Variants in CD99L2 observed in about 807,000 individuals in gnomAD.
CD99L2 encodes the protein CD99 molecule like 2, also known as CD99 antigen-like protein 2.
Under a neutral mutation model 27.3 loss-of-function variants are expected in CD99L2, and 24 were observed. The observed-to-expected ratio is 0.88, with a 90% CI of 0.64 to 1.24. The LOEUF (loss-of-function observed/expected upper bound fraction) is 1.24, where lower values mean the gene tolerates loss of function less well. CD99L2 is among the 50% of genes most tolerant of loss of function. The pLI, the probability that CD99L2 is intolerant of heterozygous loss-of-function variation, is 0.00. For synonymous variants in CD99L2, 97 were observed against 87.9 expected, an observed-to-expected ratio of 1.10 and a Z score of -0.58; for missense variants, 255 against 221.6, an observed-to-expected ratio of 1.15 and a Z score of -0.96.
At position 150,784,818 on chromosome X, in the gene CD99L2, A is replaced by G. The variant is rs782020307; in HGVS notation, c.497-7336T>C. On this transcript the variant is annotated intron_variant, in intron 7 of 10. Transcript: ENST00000370377. ...ATACACAGGAAGCCCAGTCTAGCAG[A>G]AGCAAAAAAGATAAACACCACCCGC... 2.7e-5 allele frequency among the ~76,000 whole-genome samples: 3 copies of G among 112,489 alleles called. No homozygotes were observed. The Admixed American group carries it at 2.8e-4, about 11-fold the overall frequency.
chrX:150,830,113 C>T (rs1194009297), intron 2 of CD99L2, among the ~76,000 whole-genome samples: 2 of 109,654 alleles, frequency 1.8e-5, no homozygotes, highest in African/African-American at 6.7e-5. Flanking sequence ...TGAGATTGCG[C>T]CACTACACTC....
At chrX:150,799,846 T>G (rs2045875999) in intron 4 of CD99L2, among the ~76,000 whole-genome samples, 1 of 111,739 alleles carries the variant, frequency 8.9e-6, no homozygotes, top group Non-Finnish European at 1.9e-5. Context: ...GAAACAGAGT[T>G]ACCATATGAT....
chrX:150,895,027 C>T (rs2047584084), intron 1 of CD99L2, among the ~76,000 whole-genome samples: 1 of 111,786 alleles, frequency 8.9e-6, no homozygotes. Context: ...GTGTTAAGTT[C>T]CTAAACCTCT....
At chrX:150,773,194 C>T (rs1397581206) in intron 9 of CD99L2, among the ~76,000 whole-genome samples, 5 of 112,291 alleles carry the variant, frequency 4.5e-5, no homozygotes, top group African/African-American at 1.6e-4. Context: ...AGTCGAGATA[C>T]CCTTGATGGG....
At chrX:150,837,456 G>A (rs1385918371) in intron 1 of CD99L2, among the ~76,000 whole-genome samples, 1 of 110,963 alleles carries the variant, frequency 9.0e-6, no homozygotes, top group Non-Finnish European at 1.9e-5. Context: ...CACTATGTTG[G>A]CCAGGCTGGT....
At position 150,868,046 on chromosome X, in the gene CD99L2, C is replaced by A. The variant is rs960247436; in HGVS notation, c.67+30476G>T. Among the ~76,000 whole-genome samples, 5 of 105,976 alleles carry A rather than the reference C, an allele frequency of 4.7e-5. No individual in the cohort carries two copies. The Admixed American group carries it at 5.1e-4, about 11-fold the overall frequency. 92.0% of individuals were successfully genotyped at this position (105,976 alleles called of 115,157 possible). On this transcript the variant is annotated intron_variant, in intron 1 of 10. Transcript: ENST00000370377. Reference sequence around the variant, plus strand: ...GCAGTCAGCAGAGATTGTGCCATTGCACTCCAGCCTAGGCGACAGAGTGAG... The same window carrying A: ...GCAGTCAGCAGAGATTGTGCCATTGAACTCCAGCCTAGGCGACAGAGTGAG...
chrX:150,886,726 C>T (rs782529700), intron 1 of CD99L2, among the ~76,000 whole-genome samples: 2 of 112,193 alleles, frequency 1.8e-5, no homozygotes, highest in East Asian at 5.6e-4. Flanking sequence ...GGGTGTACTA[C>T]CCGCATCTAG....
chrX:150,883,126 T>C (rs2047357915), intron 1 of CD99L2, among the ~76,000 whole-genome samples: 1 of 111,363 alleles, frequency 9.0e-6, no homozygotes, highest in Admixed American at 9.5e-5. Flanking sequence ...GAGGCGGAGG[T>C]TGCAGTGAAC....
Position 150,802,880 on chromosome X carries a change from C to CT in CD99L2, c.278-7395dup, listed in dbSNP as rs34693200. Among the ~76,000 whole-genome samples, 31 of 20,824 alleles carry CT rather than the reference C, an allele frequency of 1.5e-3. 3 individuals carry two copies. The highest frequency in any genetic ancestry group is 5.1e-3 in the East Asian group (3 of 586). 18.1% of individuals were successfully genotyped at this position (20,824 alleles called of 115,157 possible). On this transcript the variant is annotated intron_variant, in intron 4 of 10. Coordinates refer to ENST00000370377, the MANE Select transcript of CD99L2 (RefSeq NM_031462.4). ...ACAGGCGGGAGCCACCGTGCCCAGC[C>CT]TTTTTTTTTTTTTTTTTTTTTTTTT...
chrX:150,779,958 C>T (rs1361493441), intron 7 of CD99L2, among the ~76,000 whole-genome samples: 2 of 112,054 alleles, frequency 1.8e-5, no homozygotes, highest in African/African-American at 6.5e-5. Context: ...AGGACATCAT[C>T]AAGAAAGTAG....
At chrX:150,833,416 C>A (rs1270308987) in intron 1 of CD99L2, among the ~76,000 whole-genome samples, 1 of 111,602 alleles carries the variant, frequency 9.0e-6, no homozygotes, top group Non-Finnish European at 1.9e-5. Flanking sequence ...TAATTTTTAT[C>A]AAAATTCCAA....
intron 1 of CD99L2, among the ~76,000 whole-genome samples, chrX:150,880,945 T>C (rs1417890261): frequency 9.0e-6 from 1 of 111,697 alleles, no homozygotes; most frequent in Admixed American, 9.5e-5. Flanking sequence ...TGGTTGTTCT[T>C]AGAATCTTGT....
At chrX:150,874,347 C>G (rs918793528) in intron 1 of CD99L2, among the ~76,000 whole-genome samples, 3 of 111,800 alleles carry the variant, frequency 2.7e-5, no homozygotes, top group African/African-American at 9.8e-5. Context: ...AGTAGCCCAT[C>G]ATTCTCAGAA....
chrX:150,841,120 AGAAATG>A (rs2046616900), intron 1 of CD99L2, among the ~76,000 whole-genome samples: 1 of 112,508 alleles, frequency 8.9e-6, no homozygotes, highest in South Asian at 3.6e-4. Context: ...AACAGGAAAA[AGAAATG>A]GAAACAGTCC....
chrX:150,770,068 G>C (rs532038033), intron 10 of CD99L2, among the ~76,000 whole-genome samples: 1 of 113,058 alleles, frequency 8.8e-6, no homozygotes, highest in Admixed American at 9.3e-5. Flanking sequence ...GGCAGGGGCC[G>C]AGCAGCCGCA....
intron 1 of CD99L2, among the ~76,000 whole-genome samples, chrX:150,879,750 TAAA>T (rs60706288): frequency 0.016 from 317 of 19,356 alleles, 1 homozygote; most frequent in African/African-American, 0.072. Flanking sequence ...CTACAAAAAC[TAAA>T]AAAAAAAAAA....
intron 1 of CD99L2, among the ~76,000 whole-genome samples, chrX:150,841,779 A>G (rs1392007909): frequency 1.8e-5 from 2 of 111,773 alleles, no homozygotes; most frequent in Admixed American, 9.5e-5. Flanking sequence ...GGATAAAACC[A>G]TTCAGTTTCA....
chrX:150,843,035 A>C (rs2046645251), intron 1 of CD99L2, among the ~76,000 whole-genome samples: 1 of 112,367 alleles, frequency 8.9e-6, no homozygotes, highest in South Asian at 3.6e-4. Context: ...GACAAAATCC[A>C]TTTGGATTTC....
chrX:150,857,962 A>G (rs185474914), intron 1 of CD99L2, among the ~76,000 whole-genome samples: 3 of 112,290 alleles, frequency 2.7e-5, no homozygotes, highest in African/African-American at 9.7e-5. Context: ...TTACCTGTAA[A>G]GATACATATA....
Sources: gnomAD v4.1 joint callset for allele counts (sites outside exome capture counted in the v4.1 genomes callset) on GRCh38, gnomAD v4.1.1 for gene constraint, MANE v1.5 for transcripts, NCBI Gene and HGNC (gene_info 2026-07-23, HGNC 2026-07-21) for gene names.